The following WWOX variants were observed in gnomAD, a reference collection of about 807,000 sequenced individuals.
The protein encoded by WWOX is WW domain-containing oxidoreductase.
WWOX carries 69 observed loss-of-function variants against 46.2 expected under a neutral mutation model. The observed-to-expected ratio is 1.49, with a 90% CI of 1.23 to 1.82. WWOX has a LOEUF of 1.82. WWOX is among the 40% of genes most tolerant of loss of function. The probability of loss-of-function intolerance (pLI) is 0.00; values close to 1 mark genes in which losing one functional copy is unlikely to be tolerated. For synonymous variants in WWOX, 359 were observed against 202.6 expected, an observed-to-expected ratio of 1.77 and a Z score of -6.56; for missense variants, 919 against 542.6, an observed-to-expected ratio of 1.69 and a Z score of -6.89.
intron 8 of WWOX, among the ~76,000 whole-genome samples, chr16:78,592,492 C>G (rs1188476531): frequency 6.6e-6 from 1 of 152,176 alleles, no homozygotes; most frequent in Non-Finnish European, 1.5e-5. Context: ...ATTCCTCAAG[C>G]CCCTGGACTC....
At chr16:78,747,625 C>A (rs1480382196) in intron 8 of WWOX, among the ~76,000 whole-genome samples, 1 of 152,110 alleles carries the variant, frequency 6.6e-6, no homozygotes, top group Non-Finnish European at 1.5e-5. Flanking sequence ...TCAAACCCTG[C>A]CTCTCCTCAC....
intron 8 of WWOX, among the ~76,000 whole-genome samples, chr16:79,111,870 C>T (rs1471800407): frequency 1.3e-5 from 2 of 152,182 alleles, no homozygotes; most frequent in African/African-American, 4.8e-5. Flanking sequence ...CAGACTCCAT[C>T]CTGAATTCCA....
At chr16:79,094,404 C>A (rs1303818753) in intron 8 of WWOX, among the ~76,000 whole-genome samples, 1 of 152,036 alleles carries the variant, frequency 6.6e-6, no homozygotes, top group Non-Finnish European at 1.5e-5. Context: ...CGCCCGCCAC[C>A]ATGTCCAGCT....
chr16:78,229,258 G>GA (rs11448507), intron 5 of WWOX, among the ~76,000 whole-genome samples: 72,056 of 145,164 alleles, frequency 0.5, 18,357 homozygotes, highest in East Asian at 0.71. Flanking sequence ...TACAAGAAAT[G>GA]AAAAAAAAAA....
chr16:79,118,590 C>G (rs759123860), intron 8 of WWOX, among the ~76,000 whole-genome samples: 3 of 152,026 alleles, frequency 2.0e-5, no homozygotes, highest in Non-Finnish European at 4.4e-5. Flanking sequence ...AAAGGAAATG[C>G]AATAAAATGA....
intron 8 of WWOX, among the ~76,000 whole-genome samples, chr16:78,463,266 C>T (rs899136008): frequency 3.3e-5 from 5 of 152,124 alleles, no homozygotes; most frequent in Non-Finnish European, 5.9e-5. Context: ...TGGAGGTGCC[C>T]TTGCAGGTAT....
At chr16:78,278,915 G>T (rs1471656693) in intron 5 of WWOX, among the ~76,000 whole-genome samples, 1 of 152,112 alleles carries the variant, frequency 6.6e-6, no homozygotes, top group African/African-American at 2.4e-5. Flanking sequence ...GTGTATACAT[G>T]TGTTTTTCTG....
chr16:79,091,455 C>G (rs1597367207), intron 8 of WWOX, among the ~76,000 whole-genome samples: 2 of 152,200 alleles, frequency 1.3e-5, no homozygotes, highest in South Asian at 4.1e-4. Context: ...TTCATTCTAC[C>G]CAATTTTTGT....
chr16:78,117,795 A>C (rs1051745444), intron 4 of WWOX, among the ~76,000 whole-genome samples: 2 of 152,148 alleles, frequency 1.3e-5, no homozygotes, highest in Admixed American at 1.3e-4. Flanking sequence ...ATTCTATCTA[A>C]GCTTTAATGG....
chr16:78,430,040 G>A (rs2083179789), intron 7 of WWOX, among the ~76,000 whole-genome samples: 1 of 152,048 alleles, frequency 6.6e-6, no homozygotes, highest in African/African-American at 2.4e-5. Flanking sequence ...CCCGAGACCG[G>A]GTAATTTATA....
intron 8 of WWOX, among the ~76,000 whole-genome samples, chr16:79,102,411 T>C (rs1037897176): frequency 6.6e-6 from 1 of 152,200 alleles, no homozygotes; most frequent in African/African-American, 2.4e-5. Flanking sequence ...TATGGAATAT[T>C]ATTGAGCTGG....
intron 8 of WWOX, among the ~76,000 whole-genome samples, chr16:78,691,820 C>T (rs2047995269): frequency 6.6e-6 from 1 of 152,140 alleles, no homozygotes; most frequent in South Asian, 2.1e-4. Flanking sequence ...TTGGATGTGT[C>T]CCCACCCAAA....
intron 8 of WWOX, among the ~76,000 whole-genome samples, chr16:78,439,474 T>C (rs1301605261): frequency 1.3e-5 from 2 of 152,320 alleles, no homozygotes; most frequent in East Asian, 3.9e-4. Context: ...CCATTGGTTT[T>C]AGTAGTCTTA....
chr16:78,970,482 C>T (rs1392389840), intron 8 of WWOX, among the ~76,000 whole-genome samples: 1 of 152,160 alleles, frequency 6.6e-6, no homozygotes, highest in Non-Finnish European at 1.5e-5. Context: ...CTGGTACTAC[C>T]TAATAAAACC....
At chr16:79,090,525 T>G (rs151048467) in intron 8 of WWOX, among the ~76,000 whole-genome samples, 39 of 152,188 alleles carry the variant, frequency 2.6e-4, no homozygotes, top group African/African-American at 9.4e-4. Flanking sequence ...AATCAAGACA[T>G]GCAAGCAAGG....
intron 8 of WWOX, among the ~76,000 whole-genome samples, chr16:78,546,408 G>T (rs1039642936): frequency 2.3e-4 from 35 of 152,140 alleles, no homozygotes; most frequent in Non-Finnish European, 4.3e-4. Context: ...CCCACATTGA[G>T]TGTAACTAGA....
At chr16:78,780,175 A>C (rs1422675316) in intron 8 of WWOX, among the ~76,000 whole-genome samples, 1 of 152,096 alleles carries the variant, frequency 6.6e-6, no homozygotes, top group African/African-American at 2.4e-5. Flanking sequence ...CCTCCTCTCC[A>C]GCCCTCACCT....
At chr16:78,327,316 A>T (rs1189622024) in intron 5 of WWOX, among the ~76,000 whole-genome samples, 2 of 152,118 alleles carry the variant, frequency 1.3e-5, no homozygotes, top group African/African-American at 2.4e-5. Context: ...AAAAGTTGGG[A>T]TGGGGGTGTG....
At chr16:78,788,909 G>A (rs961794460) in intron 8 of WWOX, among the ~76,000 whole-genome samples, 1 of 152,190 alleles carries the variant, frequency 6.6e-6, no homozygotes, top group Non-Finnish European at 1.5e-5. Context: ...GCTGTCCCCT[G>A]CTTAGTATGT....
Sources: allele counts gnomAD v4.1 joint callset (sites outside exome capture counted in the v4.1 genomes callset), GRCh38; gene constraint gnomAD v4.1.1; transcripts MANE v1.5; gene names NCBI Gene and HGNC (gene_info 2026-07-23, HGNC 2026-07-21).